Variants in ATF1 observed in about 807,000 individuals in gnomAD.
ATF1 encodes the protein cyclic AMP-dependent transcription factor ATF-1.
Under a neutral mutation model 34.7 loss-of-function variants are expected in ATF1, and 16 were observed. The ratio of observed to expected loss-of-function variants is 0.46; its 90% CI spans 0.31 to 0.70. The LOEUF is 0.70. Among genes scored for constraint, ATF1 ranks in the 30% least tolerant of loss-of-function variants. ATF1 has a pLI of 0.05. For synonymous variants in ATF1, 105 were observed against 113.1 expected (o/e 0.93, Z 0.46); for missense variants, 255 against 321.6 (o/e 0.79, Z 1.58).
intron 2 of ATF1, among the ~76,000 whole-genome samples, chr12:50,782,142 G>A (rs1291237481): frequency 6.6e-6 from 1 of 152,056 alleles, no homozygotes; most frequent in East Asian, 1.9e-4. Context: ...CTATGTGAGG[G>A]CAGATTTTCT....
intron 1 of ATF1, among the ~76,000 whole-genome samples, chr12:50,764,898 A>G (rs1293610993): frequency 1.3e-5 from 2 of 152,226 alleles, no homozygotes; most frequent in Non-Finnish European, 2.9e-5. Flanking sequence ...GAGTGGGGAC[A>G]GTAGGCGGCT....
intron 2 of ATF1, among the ~76,000 whole-genome samples, chr12:50,792,009 A>T (rs1941312145): frequency 6.6e-6 from 1 of 152,196 alleles, no homozygotes; most frequent in Non-Finnish European, 1.5e-5. Flanking sequence ...ATATCTCTTC[A>T]GAATAGCATG....
At chr12:50,774,517 G>T (rs1940862291) in intron 1 of ATF1, among the ~76,000 whole-genome samples, 1 of 151,904 alleles carries the variant, frequency 6.6e-6, no homozygotes, top group South Asian at 2.1e-4. Context: ...TGCTAACTGG[G>T]GGCTTACTTT....
At chr12:50,769,527 A>T (rs1295471917) in intron 1 of ATF1, among the ~76,000 whole-genome samples, 4 of 152,094 alleles carry the variant, frequency 2.6e-5, no homozygotes, top group Non-Finnish European at 5.9e-5. Flanking sequence ...AAAAATTCAT[A>T]CAGGAAGCAT....
chr12:50,813,862 G>A (rs1941786910), intron 4 of ATF1, 148 bp from the exon 5 acceptor site: 1 of 685,856 alleles, frequency 1.5e-6, no homozygotes, highest in African/African-American at 1.8e-5. Flanking sequence ...TTTACATGTA[G>A]TTCACCTAAA....
chr12:50,778,223 C>CTT (rs1285269808), intron 1 of ATF1, among the ~76,000 whole-genome samples: 5 of 109,704 alleles, frequency 4.6e-5, no homozygotes, highest in African/African-American at 6.2e-5. Context: ...GCCATATTAA[C>CTT]CTTTTTTTTT....
At chr12:50,819,526 G>A (rs774430176) in intron 6 of ATF1, 109 bp from the exon 7 acceptor site, 1 of 1,254,710 alleles carries the variant, frequency 8.0e-7, no homozygotes, top group Non-Finnish European at 1.1e-6. Flanking sequence ...GTGTGTAGAT[G>A]ATACTTTAAA....
intron 3 of ATF1, among the ~76,000 whole-genome samples, chr12:50,805,549 C>A (rs994250705): frequency 6.9e-6 from 1 of 145,850 alleles, no homozygotes; most frequent in African/African-American, 2.6e-5. Context: ...CAGAGTGAGA[C>A]CCTGTCTGTC....
intron 3 of ATF1, among the ~76,000 whole-genome samples, chr12:50,807,186 T>G (rs1941632510): frequency 6.6e-6 from 1 of 152,108 alleles, no homozygotes; most frequent in South Asian, 2.1e-4. Context: ...GGTGGGAGAA[T>G]CACTTGAGCC....
Position 50,800,101 on chromosome 12 carries a change from G to C in ATF1, c.194+4092G>C, listed in dbSNP as rs757584897. On this transcript the variant is annotated intron_variant, in intron 3 of 6. Coordinates refer to ENST00000262053, the MANE Select transcript of ATF1 (RefSeq NM_005171.5). The stretch of plus-strand genomic sequence containing the variant: ...AGCTAAAGTTAAAGAAATCTTGTGA[G>C]TAGCCAGAGAATAATGGCACATTAC... 1.0e-3 allele frequency among the ~76,000 whole-genome samples: 157 copies of C among 152,306 alleles called. 1 individual carries two copies. Among genetic ancestry groups the C allele is most frequent in the South Asian group, 6.2e-4 (3 of 4,832 alleles).
chr12:50,767,153 G>A (rs1451892433), intron 1 of ATF1, among the ~76,000 whole-genome samples: 7 of 152,102 alleles, frequency 4.6e-5, no homozygotes, highest in Admixed American at 4.6e-4. Context: ...CTGGCAAAAG[G>A]GTAAGAATGT....
At chr12:50,816,374 AAGG>A (rs1941843624) in intron 6 of ATF1, among the ~76,000 whole-genome samples, 1 of 152,050 alleles carries the variant, frequency 6.6e-6, no homozygotes, top group South Asian at 2.1e-4. Flanking sequence ...GGTGAGGGGC[AAGG>A]AGGAGGATGA....
intron 3 of ATF1, among the ~76,000 whole-genome samples, chr12:50,804,752 A>C (rs1012107882): frequency 6.6e-6 from 1 of 152,218 alleles, no homozygotes; most frequent in African/African-American, 2.4e-5. Flanking sequence ...TTACAGTCAG[A>C]AAATCAGAAA....
intron 6 of ATF1, 22 bp from the exon 7 acceptor site, chr12:50,819,612 GT>G (rs529017881): frequency 6.2e-7 from 1 of 1,603,286 alleles, no homozygotes; most frequent in Non-Finnish European, 8.5e-7. Context: ...TTCTAACATT[GT>G]TTTTTTAATG....
intron 1 of ATF1, among the ~76,000 whole-genome samples, chr12:50,771,861 C>T (rs557392427): frequency 4.7e-4 from 71 of 152,238 alleles, no homozygotes; most frequent in Admixed American, 4.2e-3. Flanking sequence ...CTCCCACCAG[C>T]GCCATGACAG....
At chr12:50,764,954 A>G (rs1940595111) in intron 1 of ATF1, among the ~76,000 whole-genome samples, 1 of 152,072 alleles carries the variant, frequency 6.6e-6, no homozygotes, top group Non-Finnish European at 1.5e-5. Context: ...ACCCTTTGGG[A>G]TGGGCGACCC....
At chr12:50,810,219 CTTT>C (rs34461103) in intron 4 of ATF1, among the ~76,000 whole-genome samples, 5 of 127,424 alleles carry the variant, frequency 3.9e-5, no homozygotes, top group Non-Finnish European at 1.6e-5. Flanking sequence ...ACATTCCTGG[CTTT>C]TTTTTTTTTT....
At chr12:50,768,880 C>G (rs1043345680) in intron 1 of ATF1, among the ~76,000 whole-genome samples, 1 of 152,080 alleles carries the variant, frequency 6.6e-6, no homozygotes, top group African/African-American at 2.4e-5. Context: ...TTTACCCTAC[C>G]TTAAAGCCAT....
At position 50,780,347 on chromosome 12, in the gene ATF1, T is replaced by C. The variant is rs115717108; in HGVS notation, c.93+109T>C. On this transcript the variant is annotated intron_variant, in intron 2 of 6. Coordinates refer to ENST00000262053, the MANE Select transcript of ATF1 (RefSeq NM_005171.5). ...GTGTTTTATTTTGGTTTTTGTTTTT[T>C]GGGTTTTTTTTTTCGAGGCAGATTT... 131 of 1,126,506 alleles carry C rather than the reference T, an allele frequency of 1.2e-4. No individual in the cohort carries two copies. The African/African-American group carries it at 2.0e-3, about 17-fold the overall frequency. 69.8% of individuals were successfully genotyped at this position (1,126,506 alleles called of 1,614,324 possible). A position where few individuals can be genotyped will look rare whatever the true frequency, so the allele number is the denominator to read the frequency against.
Sources: gnomAD v4.1 joint callset for allele counts (sites outside exome capture counted in the v4.1 genomes callset) on GRCh38, gnomAD v4.1.1 for gene constraint, MANE v1.5 for transcripts, NCBI Gene and HGNC (gene_info 2026-07-23, HGNC 2026-07-21) for gene names.